The following ST6GAL2 variants were observed in gnomAD, a reference collection of about 807,000 sequenced individuals.
ST6GAL2 encodes the protein beta-galactoside alpha-2,6-sialyltransferase 2.
In ST6GAL2, 24 loss-of-function variants were observed where a neutral mutation model predicts 37.5. The observed-to-expected ratio is 0.64, with a 90% CI of 0.46 to 0.90. The LOEUF (loss-of-function observed/expected upper bound fraction) is 0.90, where lower values mean the gene tolerates loss of function less well. Ranked by LOEUF, ST6GAL2 falls within the 40% of genes least tolerant of loss-of-function variation. The pLI is 0.00. For synonymous variants in ST6GAL2, 306 were observed against 295.1 expected (o/e 1.04, Z -0.38); for missense variants, 715 against 712.7 (o/e 1.00, Z -0.04).
chr2:106,828,165 A>G (rs1676277213), intron 5 of ST6GAL2, among the ~76,000 whole-genome samples: 1 of 152,190 alleles, frequency 6.6e-6, no homozygotes. Context: ...AATTTTTTAA[A>G]CCCCATGTTG....
At position 106,844,114 on chromosome 2, in the gene ST6GAL2, G is replaced by A. The variant is rs1407186645; in HGVS notation, c.-57-80C>T. On this transcript the variant is annotated intron_variant, in intron 1 of 5. Coordinates refer to ENST00000409382, the MANE Select transcript of ST6GAL2 (RefSeq NM_001142351.2). ...CTGGGGACATTCTATCTTGAGCAGT[G>A]TTTCTGTAGGTGGTGGGGTGGGGTT... The A allele has an allele frequency of 4.0e-5, 26 of 644,990 alleles. No individual in the cohort carries two copies. The East Asian group carries it at 6.5e-4, about 16-fold the overall frequency. 40.0% of individuals were successfully genotyped at this position (644,990 alleles called of 1,614,324 possible).
Position 106,806,670 on chromosome 2 carries a change from A to C in ST6GAL2, c.*8T>G. 6.2e-7 allele frequency: 1 copy of C among 1,611,334 alleles called. No individual in the cohort carries two copies. On this transcript the variant is annotated 3_prime_UTR_variant, in exon 6 of 6. Transcript: ENST00000409382. ...CCTTATTGCACATTGATTCCCAAGA[A>C]ACCCTTTTTAAGAGTGTGGAATGAC...
At chr2:106,826,888 C>G (rs1676229189) in intron 5 of ST6GAL2, among the ~76,000 whole-genome samples, 1 of 152,174 alleles carries the variant, frequency 6.6e-6, no homozygotes, top group African/African-American at 2.4e-5. Flanking sequence ...GGAAGTGGGG[C>G]ACACTGTTTC....
Position 106,848,881 on chromosome 2 carries a change from C to T in ST6GAL2, c.-57-4847G>A, listed in dbSNP as rs77553944. Among the ~76,000 whole-genome samples the T allele has an allele frequency of 7.0e-3, 1,073 of 152,242 alleles. 17 individuals carry two copies. Among genetic ancestry groups the T allele is most frequent in the African/African-American group, 0.024 (1,012 of 41,540 alleles). ...GCAAATAATTAGAAAGACCAAGCAG[C>T]GCCAGAGATAAGACCCTCTCAGATC... On this transcript the variant is annotated intron_variant, in intron 1 of 5. Transcript: ENST00000409382.
At chr2:106,844,649 A>G (rs1332639897) in intron 1 of ST6GAL2, among the ~76,000 whole-genome samples, 4 of 152,160 alleles carry the variant, frequency 2.6e-5, no homozygotes, top group Non-Finnish European at 5.9e-5. Flanking sequence ...CTGTGGGTGA[A>G]TGTTATTTCA....
In ST6GAL2 at chr2:106,806,645, C is replaced by A; in HGVS notation, c.*33G>T. ...TGTGACTTTGAGTACAACAGTAGTA[C>A]CTTATTGCACATTGATTCCCAAGAA... On this transcript the variant is annotated 3_prime_UTR_variant, in exon 6 of 6. Transcript: ENST00000409382. The A allele has an allele frequency of 1.9e-6, 3 of 1,601,972 alleles. 1 individual carries two copies. The South Asian group carries it at 3.4e-5, about 18-fold the overall frequency.
intron 1 of ST6GAL2, among the ~76,000 whole-genome samples, chr2:106,857,633 A>C (rs755739857): frequency 5.3e-5 from 8 of 152,158 alleles, no homozygotes; most frequent in South Asian, 2.1e-4. Context: ...ACCAAAAAAA[A>C]CCACACACAT....
At chr2:106,867,743 T>C (rs11677974) in intron 1 of ST6GAL2, among the ~76,000 whole-genome samples, 92,401 of 151,870 alleles carry the variant, frequency 0.61, 29,606 homozygotes, top group Non-Finnish European at 0.74. Context: ...TGGTTGTAAG[T>C]AGGCATTCAG....
chr2:106,859,905 G>A (rs960877123), intron 1 of ST6GAL2, among the ~76,000 whole-genome samples: 9 of 150,804 alleles, frequency 6.0e-5, no homozygotes, highest in Non-Finnish European at 1.0e-4. Flanking sequence ...ACCCTTTGCC[G>A]TGGCCTACAA....
chr2:106,879,332 C>T (rs976867009), intron 1 of ST6GAL2, among the ~76,000 whole-genome samples: 3 of 152,060 alleles, frequency 2.0e-5, no homozygotes, highest in Non-Finnish European at 2.9e-5. Flanking sequence ...ATTTAACTTA[C>T]GGAAGCAATC....
At chr2:106,870,320 T>G (rs1055988804) in intron 1 of ST6GAL2, among the ~76,000 whole-genome samples, 1 of 152,168 alleles carries the variant, frequency 6.6e-6, no homozygotes, top group African/African-American at 2.4e-5. Flanking sequence ...TGTTTAATAG[T>G]AATTCACTAA....
intron 1 of ST6GAL2, among the ~76,000 whole-genome samples, chr2:106,865,709 C>A (rs1372323898): frequency 1.3e-5 from 2 of 152,172 alleles, no homozygotes; most frequent in Non-Finnish European, 2.9e-5. Context: ...ATGTGTGACA[C>A]TCTCACTTTA....
intron 1 of ST6GAL2, among the ~76,000 whole-genome samples, chr2:106,859,544 G>A (rs1459584429): frequency 6.6e-6 from 1 of 152,114 alleles, no homozygotes; most frequent in African/African-American, 2.4e-5. Context: ...AGCATGGCCA[G>A]TCACTCAGTT....
intron 5 of ST6GAL2, among the ~76,000 whole-genome samples, chr2:106,815,953 G>A (rs1675786692): frequency 6.6e-6 from 1 of 152,140 alleles, no homozygotes; most frequent in Non-Finnish European, 1.5e-5. Context: ...GGAACACCAT[G>A]CACTGTGCTG....
intron 4 of ST6GAL2, 84 bp downstream of exon 4, chr2:106,832,481 C>T: frequency 1.3e-6 from 1 of 742,602 alleles, no homozygotes; most frequent in Non-Finnish European, 2.3e-6. Flanking sequence ...TCTGTCAAAG[C>T]TTAATCCTTG....
chr2:106,813,649 C>T (rs1675693400), intron 5 of ST6GAL2, among the ~76,000 whole-genome samples: 1 of 152,074 alleles, frequency 6.6e-6, no homozygotes, highest in South Asian at 2.1e-4. Context: ...AAATAACATC[C>T]CAAATCATTG....
intron 5 of ST6GAL2, among the ~76,000 whole-genome samples, chr2:106,826,448 G>C (rs1676207805): frequency 6.6e-6 from 1 of 151,632 alleles, no homozygotes; most frequent in African/African-American, 2.4e-5. Context: ...GCTGAGGCAG[G>C]AGAATTGCTT....
chr2:106,844,074 T>C (rs1266917814), intron 1 of ST6GAL2, 40 bp from the exon 2 acceptor site: 4 of 964,250 alleles, frequency 4.1e-6, no homozygotes, highest in Non-Finnish European at 4.6e-6. Flanking sequence ...ACATGGGGCA[T>C]CTGCTCAGAT....
intron 1 of ST6GAL2, among the ~76,000 whole-genome samples, chr2:106,871,321 G>A (rs1252096637): frequency 6.6e-6 from 1 of 152,124 alleles, no homozygotes. Flanking sequence ...TGGATGTGAA[G>A]GTCTTAGGAC....
Sources: allele counts gnomAD v4.1 joint callset (sites outside exome capture counted in the v4.1 genomes callset), GRCh38; gene constraint gnomAD v4.1.1; transcripts MANE v1.5; gene names NCBI Gene and HGNC (gene_info 2026-07-23, HGNC 2026-07-21).